NFXL1: variants seen among roughly 807,000 people sequenced by gnomAD.
The protein encoded by NFXL1 is NF-X1-type zinc finger protein NFXL1.
In NFXL1, 66 loss-of-function variants were observed where a neutral mutation model predicts 123.3. The observed-to-expected ratio is 0.54, with a 90% CI of 0.44 to 0.66. NFXL1 has a LOEUF of 0.66. Ranked by LOEUF, NFXL1 falls within the 30% of genes least tolerant of loss-of-function variation. NFXL1 has a pLI of 0.00. For missense variants in NFXL1, 944 were observed against 1,125.6 expected, an observed-to-expected ratio of 0.84 and a Z score of 2.31; for synonymous variants, 346 against 360.8, an observed-to-expected ratio of 0.96 and a Z score of 0.46.
chr4:47,863,724 A>T (rs889672258), intron 18 of NFXL1, among the ~76,000 whole-genome samples: 3 of 152,174 alleles, frequency 2.0e-5, no homozygotes, highest in Non-Finnish European at 2.9e-5. Flanking sequence ...AGATCTGATC[A>T]TTTTTGAACA....
chr4:47,903,327 A>T lies in NFXL1; in HGVS notation c.517-4T>A. ...AACATCCCGAACAGCTCCAAACCTA[A>T]GACAAATGTATCAGAAGTTAATATA... On this transcript the variant is annotated splice_polypyrimidine_tract_variant and splice_region_variant and intron_variant, in intron 4 of 22. Coordinates refer to ENST00000507489, the MANE Select transcript of NFXL1 (RefSeq NM_001278624.2). 1 of 1,510,126 alleles carries T rather than the reference A, an allele frequency of 6.6e-7. No individual in the cohort carries two copies. Among genetic ancestry groups the T allele is most frequent in the East Asian group, 2.5e-5 (1 of 39,526 alleles). 93.5% of individuals were successfully genotyped at this position (1,510,126 alleles called of 1,614,324 possible). A position where few individuals can be genotyped will look rare whatever the true frequency, so the allele number is the denominator to read the frequency against.
At chr4:47,863,252 A>G (rs1035231742) in intron 18 of NFXL1, among the ~76,000 whole-genome samples, 4 of 152,218 alleles carry the variant, frequency 2.6e-5, no homozygotes, top group Admixed American at 2.6e-4. Context: ...ATTCATAATT[A>G]CAATTGTTAA....
At chr4:47,872,193 G>A (rs746220651) in intron 18 of NFXL1, among the ~76,000 whole-genome samples, 2 of 152,186 alleles carry the variant, frequency 1.3e-5, no homozygotes, top group African/African-American at 2.4e-5. Flanking sequence ...GCTGGGCATG[G>A]TGGCTCACCC....
chr4:47,855,774 AT>A (rs1232534832), intron 19 of NFXL1, among the ~76,000 whole-genome samples: 1 of 152,152 alleles, frequency 6.6e-6, no homozygotes, highest in Non-Finnish European at 1.5e-5. Context: ...TATTAAAAAA[AT>A]ATTATTTAGG....
At chr4:47,868,251 G>A (rs1240534403) in intron 18 of NFXL1, among the ~76,000 whole-genome samples, 8 of 151,802 alleles carry the variant, frequency 5.3e-5, no homozygotes, top group South Asian at 2.1e-4. Context: ...CTCGGGAAGC[G>A]GAGCTTGCAG....
At chr4:47,908,188 G>A (rs962549913) in intron 3 of NFXL1, among the ~76,000 whole-genome samples, 10 of 152,152 alleles carry the variant, frequency 6.6e-5, no homozygotes, top group Non-Finnish European at 1.3e-4. Flanking sequence ...GGGAAGCTGA[G>A]GTGGGAGAAT....
chr4:47,860,265 A>G (rs1372537220), intron 19 of NFXL1, among the ~76,000 whole-genome samples: 1 of 152,206 alleles, frequency 6.6e-6, no homozygotes, highest in Non-Finnish European at 1.5e-5. Context: ...TAAAAAAAAT[A>G]AAATAACTGA....
rs1224779764 is a variant in NFXL1 at position 47,874,237 on chromosome 4, G to A, written c.2246+890C>T. On this transcript the variant is annotated intron_variant, in intron 18 of 22. Transcript: ENST00000507489. ...AGAATTTTTCCTTTGCATTCACAACGTGGCTAACTGTTTGGTGCAAGAGAC... is the reference window on the plus strand; with the variant it reads ...AGAATTTTTCCTTTGCATTCACAACATGGCTAACTGTTTGGTGCAAGAGAC... Among the ~76,000 whole-genome samples, 4 of 152,102 alleles carry A rather than the reference G, an allele frequency of 2.6e-5. No homozygotes were observed. The South Asian group carries it at 6.2e-4, about 24-fold the overall frequency.
At chr4:47,866,064 C>T (rs1307951027) in intron 18 of NFXL1, among the ~76,000 whole-genome samples, 1 of 151,470 alleles carries the variant, frequency 6.6e-6, no homozygotes, top group Non-Finnish European at 1.5e-5. Flanking sequence ...ATTCAAGTAG[C>T]CAATCTTGGA....
intron 18 of NFXL1, among the ~76,000 whole-genome samples, chr4:47,864,811 C>T (rs1734958702): frequency 2.0e-5 from 3 of 152,200 alleles, no homozygotes; most frequent in Non-Finnish European, 2.9e-5. Flanking sequence ...CATCTGTATA[C>T]TTTGCAATAT....
chr4:47,851,713 A>G, intron 21 of NFXL1, 143 bp downstream of exon 21: 1 of 559,838 alleles, frequency 1.8e-6, no homozygotes, highest in Admixed American at 3.4e-5. Context: ...CCAATCTGCC[A>G]TTCAAAATAA....
intron 10 of NFXL1, among the ~76,000 whole-genome samples, chr4:47,894,572 T>TA (rs1736969125): frequency 1.5e-5 from 1 of 67,568 alleles, no homozygotes; most frequent in African/African-American, 4.6e-5. Context: ...TAAAACCACT[T>TA]ACATTTCATT....
At chr4:47,893,078 T>A (rs1005461376) in intron 11 of NFXL1, among the ~76,000 whole-genome samples, 3 of 151,864 alleles carry the variant, frequency 2.0e-5, no homozygotes, top group East Asian at 3.9e-4. Flanking sequence ...ACTTCTCAGA[T>A]GAAAAACACA....
In NFXL1 at chr4:47,851,162, T is replaced by A. The variant is rs1456138964; in HGVS notation, c.2509-14A>T. The A allele has an allele frequency of 1.3e-6, 2 of 1,592,910 alleles. No individual in the cohort carries two copies. The highest frequency in any genetic ancestry group is 2.2e-5 in the South Asian group (2 of 90,232). On this transcript the variant is annotated splice_polypyrimidine_tract_variant and intron_variant, in intron 21 of 22. Coordinates refer to ENST00000507489, the MANE Select transcript of NFXL1 (RefSeq NM_001278624.2). ...TGCTTCTTTTATCTGTTTATACACA[T>A]ACAAAAGTCAATTTACAATTTAGTC...
rs1469376753 is a variant in NFXL1 at position 47,914,544 on chromosome 4, A to T, written c.-182T>A. 3.9e-6 allele frequency: 1 copy of T among 255,642 alleles called. No individual in the cohort carries two copies. Among genetic ancestry groups the T allele is most frequent in the Admixed American group, 5.3e-5 (1 of 18,926 alleles). The allele number at this position is 255,642 out of a possible 1,614,324, so 15.8% of individuals were successfully genotyped here. On this transcript the variant is annotated 5_prime_UTR_variant, in exon 1 of 23. Transcript: ENST00000507489. Reference sequence around the variant, plus strand: ...GAGCGTGGTAGGGGAAGAGTCACAGACTGACCCTGCGTCTCCCGCCGGGAA... The same window carrying T: ...GAGCGTGGTAGGGGAAGAGTCACAGTCTGACCCTGCGTCTCCCGCCGGGAA...
intron 3 of NFXL1, among the ~76,000 whole-genome samples, chr4:47,908,747 A>C (rs1018996666): frequency 6.6e-6 from 1 of 152,060 alleles, no homozygotes; most frequent in African/African-American, 2.4e-5. Context: ...CGAGGTCAGG[A>C]GATCAAGACC....
At chr4:47,883,878 C>T (rs1736265377) in intron 15 of NFXL1, among the ~76,000 whole-genome samples, 1 of 152,212 alleles carries the variant, frequency 6.6e-6, no homozygotes, top group Non-Finnish European at 1.5e-5. Context: ...GTAGGTTCAG[C>T]TCCTTAGAGC....
chr4:47,855,701 T>C (rs993750820), intron 19 of NFXL1, among the ~76,000 whole-genome samples: 1 of 152,130 alleles, frequency 6.6e-6, no homozygotes, highest in African/African-American at 2.4e-5. Flanking sequence ...GAAAATGCCC[T>C]GTCCTTATAC....
At chr4:47,860,657 T>C (rs549998264) in intron 19 of NFXL1, among the ~76,000 whole-genome samples, 1 of 152,174 alleles carries the variant, frequency 6.6e-6, no homozygotes, top group South Asian at 2.1e-4. Flanking sequence ...TATCAGTACA[T>C]CAGAATTTAC....
Sources: allele counts gnomAD v4.1 joint callset (sites outside exome capture counted in the v4.1 genomes callset), GRCh38; gene constraint gnomAD v4.1.1; transcripts MANE v1.5; gene names NCBI Gene and HGNC (gene_info 2026-07-23, HGNC 2026-07-21).